Variants in TPTE2 observed in about 807,000 individuals in gnomAD.
The protein encoded by TPTE2 is phosphatidylinositol 3,4,5-trisphosphate 3-phosphatase TPTE2.
A neutral mutation model predicts 78.6 loss-of-function variants in TPTE2; 53 were observed. That is an observed-to-expected ratio of 0.67 (90% CI 0.54 to 0.85). The LOEUF is 0.85. Ranked by LOEUF, TPTE2 falls within the 40% of genes least tolerant of loss-of-function variation. The pLI is 0.00. For missense variants in TPTE2, 461 were observed against 623.0 expected (o/e 0.74, Z 2.77); for synonymous variants, 175 against 206.2 (o/e 0.85, Z 1.30).
intron 1 of TPTE2, among the ~76,000 whole-genome samples, chr13:19,495,968 A>G (rs1327500686): frequency 2.0e-5 from 3 of 152,148 alleles, no homozygotes; most frequent in African/African-American, 4.8e-5. Flanking sequence ...TCCCAGGTTC[A>G]AGCAATTCTC....
chr13:19,482,117 G>GC (rs1823577948), intron 4 of TPTE2, among the ~76,000 whole-genome samples: 13 of 151,900 alleles, frequency 8.6e-5, no homozygotes, highest in Non-Finnish European at 1.3e-4. Context: ...TTGCTCATAG[G>GC]GAAAATCTAC....
Position 19,427,849 on chromosome 13 carries a change from G to C in TPTE2, c.1303-1332C>G, listed in dbSNP as rs556940203. ...ATAGAAATAATGGCACCCACAATAAGAAAGGTCTATGCTAGGCCCTGTGAA... is the reference window on the plus strand; with the variant it reads ...ATAGAAATAATGGCACCCACAATAACAAAGGTCTATGCTAGGCCCTGTGAA... On this transcript the variant is annotated intron_variant, in intron 17 of 19. Transcript: ENST00000400230. Among the ~76,000 whole-genome samples, 11 of 152,314 alleles carry C rather than the reference G, an allele frequency of 7.2e-5. No homozygotes were observed. The South Asian group carries it at 2.1e-3, about 29-fold the overall frequency.
At chr13:19,519,369 T>C (rs890317519) in intron 1 of TPTE2, among the ~76,000 whole-genome samples, 7 of 152,160 alleles carry the variant, frequency 4.6e-5, no homozygotes, top group Non-Finnish European at 8.8e-5. Flanking sequence ...TTCAATATCA[T>C]AAAAAATGTA....
intron 5 of TPTE2, among the ~76,000 whole-genome samples, chr13:19,475,284 G>T (rs113633950): frequency 0.025 from 3,724 of 151,408 alleles, 64 homozygotes; most frequent in Middle Eastern, 0.051. Context: ...GCAGTGCAAT[G>T]GTGCAATTTC....
intron 1 of TPTE2, among the ~76,000 whole-genome samples, chr13:19,511,580 G>A (rs1037447460): frequency 2.6e-5 from 4 of 152,156 alleles, no homozygotes; most frequent in African/African-American, 9.7e-5. Flanking sequence ...AAGGGCATCA[G>A]GTTCTTTGGG....
chr13:19,477,372 G>A (rs1880032110), intron 4 of TPTE2, among the ~76,000 whole-genome samples: 1 of 151,422 alleles, frequency 6.6e-6, no homozygotes, highest in Non-Finnish European at 1.5e-5. Flanking sequence ...TAAAATAAAA[G>A]TTAAAAAAAA....
intron 1 of TPTE2, among the ~76,000 whole-genome samples, chr13:19,511,555 G>A (rs2932163): frequency 0.99 from 149,978 of 152,250 alleles, 73,912 homozygotes; most frequent in Middle Eastern, 1. Context: ...ACCAAATGCA[G>A]AATATTGGTT....
At chr13:19,531,991 C>A (rs1016482427) in intron 1 of TPTE2, among the ~76,000 whole-genome samples, 1 of 152,090 alleles carries the variant, frequency 6.6e-6, no homozygotes, top group Non-Finnish European at 1.5e-5. Flanking sequence ...ACCGAGTTGT[C>A]AACTGTTTAA....
chr13:19,468,925 C>T (rs1465831499), intron 6 of TPTE2, among the ~76,000 whole-genome samples: 1 of 152,150 alleles, frequency 6.6e-6, no homozygotes, highest in East Asian at 1.9e-4. Flanking sequence ...TTATTAATCC[C>T]TTTTCAGATC....
At chr13:19,489,504 T>C (rs953456843) in intron 3 of TPTE2, among the ~76,000 whole-genome samples, 4 of 150,636 alleles carry the variant, frequency 2.7e-5, no homozygotes, top group South Asian at 4.2e-4. Flanking sequence ...CATGCTCATA[T>C]ATATATTAGA....
chr13:19,431,708 A>G (rs920073541), intron 16 of TPTE2, among the ~76,000 whole-genome samples: 1 of 144,626 alleles, frequency 6.9e-6, no homozygotes, highest in Non-Finnish European at 1.5e-5. Context: ...TCTACCAGAA[A>G]TCAGTGAAAT....
intron 1 of TPTE2, among the ~76,000 whole-genome samples, chr13:19,514,531 C>T (rs1409563603): frequency 2.0e-5 from 3 of 147,574 alleles, no homozygotes; most frequent in East Asian, 2.1e-4. Flanking sequence ...AAAATAAAAT[C>T]GGAGGAATTT....
At chr13:19,500,600 T>G (rs1055093004) in intron 1 of TPTE2, among the ~76,000 whole-genome samples, 1 of 152,264 alleles carries the variant, frequency 6.6e-6, no homozygotes, top group South Asian at 2.1e-4. Context: ...AAATTCAACA[T>G]CCCTTCATGG....
intron 10 of TPTE2, among the ~76,000 whole-genome samples, chr13:19,461,150 G>C (rs1395894014): frequency 2.6e-5 from 4 of 152,048 alleles, no homozygotes; most frequent in African/African-American, 7.2e-5. Context: ...TGCCGCTCCT[G>C]GGACTCTTGC....
intron 5 of TPTE2, among the ~76,000 whole-genome samples, chr13:19,474,616 C>T (rs1879826070): frequency 6.6e-6 from 1 of 152,198 alleles, no homozygotes; most frequent in Admixed American, 6.5e-5. Context: ...GTGCTTCTAG[C>T]ATAGTGATGG....
intron 4 of TPTE2, among the ~76,000 whole-genome samples, chr13:19,477,507 T>C (rs1880043167): frequency 6.6e-6 from 1 of 152,182 alleles, no homozygotes; most frequent in Non-Finnish European, 1.5e-5. Flanking sequence ...TTAAGGCTGA[T>C]GTAGATGGAG....
intron 3 of TPTE2, among the ~76,000 whole-genome samples, chr13:19,490,538 G>A (rs1367730860): frequency 6.6e-6 from 1 of 152,102 alleles, no homozygotes; most frequent in Non-Finnish European, 1.5e-5. Flanking sequence ...TCATCCCCAA[G>A]TTACTGTTTC....
At chr13:19,430,245 G>T (rs567460290) in intron 17 of TPTE2, among the ~76,000 whole-genome samples, 1 of 152,344 alleles carries the variant, frequency 6.6e-6, no homozygotes, top group Non-Finnish European at 1.5e-5. Flanking sequence ...ACACTGACCA[G>T]AAATACATTC....
intron 1 of TPTE2, among the ~76,000 whole-genome samples, chr13:19,496,467 T>C (rs908951758): frequency 6.6e-6 from 1 of 152,218 alleles, no homozygotes; most frequent in Non-Finnish European, 1.5e-5. Flanking sequence ...CCATCACGTC[T>C]TTCCTTTCAC....
Sources: gnomAD v4.1 joint callset for allele counts (sites outside exome capture counted in the v4.1 genomes callset) on GRCh38, gnomAD v4.1.1 for gene constraint, MANE v1.5 for transcripts, NCBI Gene and HGNC (gene_info 2026-07-23, HGNC 2026-07-21) for gene names.